Variants in SRRM4 observed in about 807,000 individuals in gnomAD.
SRRM4 encodes serine/arginine repetitive matrix 4.
A neutral mutation model predicts 68.9 loss-of-function variants in SRRM4; 33 were observed. The observed-to-expected ratio is 0.48, with a 90% CI of 0.36 to 0.64. The LOEUF is 0.64. Ranked by LOEUF, SRRM4 falls within the 30% of genes least tolerant of loss-of-function variation. The pLI is 0.00. For synonymous variants in SRRM4, 318 were observed against 318.8 expected (o/e 1.00, Z 0.03); for missense variants, 817 against 827.1 (o/e 0.99, Z 0.15).
intron 1 of SRRM4, among the ~76,000 whole-genome samples, chr12:119,014,182 C>T (rs556708914): frequency 9.2e-5 from 14 of 151,924 alleles, no homozygotes; most frequent in Non-Finnish European, 1.6e-4. Context: ...GTCTTTCATC[C>T]GTTTAATAGA....
At chr12:119,019,870 C>G (rs934790092) in intron 1 of SRRM4, among the ~76,000 whole-genome samples, 1 of 151,300 alleles carries the variant, frequency 6.6e-6, no homozygotes, top group African/African-American at 2.4e-5. Flanking sequence ...TGAGAGATCT[C>G]ATAAACTACT....
rs1185291486 is a variant in SRRM4 at position 118,981,813 on chromosome 12, C to A, written c.-70C>A. 4 of 1,545,468 alleles carry A rather than the reference C, an allele frequency of 2.6e-6. No homozygotes were observed. The highest frequency in any genetic ancestry group is 2.7e-5 in the African/African-American group (2 of 73,444). On this transcript the variant is annotated 5_prime_UTR_variant, in exon 1 of 13. Coordinates refer to ENST00000267260, the MANE Select transcript of SRRM4 (RefSeq NM_194286.4). The stretch of plus-strand genomic sequence containing the variant: ...GGACAGAGCCGGGAGCTGGGTGTCG[C>A]CCCCGTTTGGAATCCACGTTTCAGC...
intron 6 of SRRM4, among the ~76,000 whole-genome samples, chr12:119,123,670 G>A (rs1393557585): frequency 6.6e-6 from 1 of 152,204 alleles, no homozygotes; most frequent in Non-Finnish European, 1.5e-5. Context: ...AATAAGGCTA[G>A]GAATCTTGAG....
At chr12:119,126,772 C>T (rs932389496) in intron 7 of SRRM4, among the ~76,000 whole-genome samples, 23 of 151,554 alleles carry the variant, frequency 1.5e-4, no homozygotes, top group African/African-American at 4.1e-4. Context: ...ATGTTTATTG[C>T]GGCATTATTC....
chr12:119,160,349 A>G lies in SRRM4; in HGVS notation c.*3551A>G, dbSNP rs539506190. ...AGTGTATTTCTCTACTTTCTTTTACATTTCCTTTTTTTCTATCCAAAAACA... is the reference window on the plus strand; with the variant it reads ...AGTGTATTTCTCTACTTTCTTTTACGTTTCCTTTTTTTCTATCCAAAAACA... On this transcript the variant is annotated 3_prime_UTR_variant, in exon 13 of 13. Transcript: ENST00000267260. The G allele has an allele frequency of 2.8e-5, 4 of 142,872 alleles. No homozygotes were observed. Among genetic ancestry groups the G allele is most frequent in the Admixed American group, 1.4e-4 (2 of 14,330 alleles). The allele number at this position is 142,872 out of a possible 1,614,324, so 8.9% of individuals were successfully genotyped here.
chr12:119,052,817 CCACACCT>C, intron 1 of SRRM4, among the ~76,000 whole-genome samples: 1 of 152,216 alleles, frequency 6.6e-6, no homozygotes, highest in Non-Finnish European at 1.5e-5. Flanking sequence ...GCGTGAGCCA[CCACACCT>C]GGCCTAAGAT....
At chr12:119,010,267 C>G (rs1037982348) in intron 1 of SRRM4, among the ~76,000 whole-genome samples, 1 of 152,138 alleles carries the variant, frequency 6.6e-6, no homozygotes, top group Admixed American at 6.5e-5. Flanking sequence ...TGGCCAGGCT[C>G]GTTGTGAACT....
intron 1 of SRRM4, among the ~76,000 whole-genome samples, chr12:119,017,952 A>T (rs1485378588): frequency 6.6e-6 from 1 of 152,204 alleles, no homozygotes; most frequent in Non-Finnish European, 1.5e-5. Flanking sequence ...TAGTTAACCC[A>T]TCTGAACCCC....
chr12:119,130,959 C>T (rs1246539642), intron 8 of SRRM4, 125 bp downstream of exon 8: 2 of 1,028,116 alleles, frequency 1.9e-6, no homozygotes, highest in Admixed American at 3.2e-5. Context: ...CCCACTGGCT[C>T]CAGACCTCAT....
intron 2 of SRRM4, 171 bp from the exon 3 acceptor site, chr12:119,114,107 T>C: frequency 1.9e-6 from 1 of 529,670 alleles, no homozygotes; most frequent in South Asian, 2.8e-5. Context: ...TAAGTCCTTA[T>C]TTAGGTACTT....
chr12:119,071,921 C>G (rs1263500603), intron 1 of SRRM4, among the ~76,000 whole-genome samples: 2 of 152,156 alleles, frequency 1.3e-5, no homozygotes, highest in Admixed American at 1.3e-4. Context: ...ACAGTCCATG[C>G]CCATGAATTA....
At chr12:119,114,474 C>T (rs1954165060) in intron 3 of SRRM4, 110 bp downstream of exon 3, 1 of 787,502 alleles carries the variant, frequency 1.3e-6, no homozygotes, top group Non-Finnish European at 2.1e-6. Context: ...CTCTCTGATG[C>T]TTAACTAGCT....
chr12:119,154,727 C>T lies in SRRM4; in HGVS notation c.1532+344C>T, dbSNP rs1954462004. Among the ~76,000 whole-genome samples, 1 of 152,112 alleles carries T rather than the reference C, an allele frequency of 6.6e-6. No individual in the cohort carries two copies. Among genetic ancestry groups the T allele is most frequent in the South Asian group, 2.1e-4 (1 of 4,816 alleles). On this transcript the variant is annotated intron_variant, in intron 12 of 12. Transcript: ENST00000267260. This position sits in a 1 kb window ranked among gnomAD's most constrained non-coding sequence, Gnocchi z 4.7. ...GCTGGGGGAGAGAGTGGCGTCAGGC[C>T]AGGGAATGGAGGCCAAAGCAATGGA...
intron 2 of SRRM4, among the ~76,000 whole-genome samples, chr12:119,105,224 G>C (rs547022660): frequency 1.3e-5 from 2 of 152,132 alleles, no homozygotes; most frequent in Admixed American, 1.3e-4. Context: ...TATCATTGAT[G>C]GACATTTGGG....
chr12:119,111,847 C>T lies in SRRM4; in HGVS notation c.279-2431C>T, dbSNP rs1954145836. ...TCACCTGGGGTCAGGAGTTCGAGAC[C>T]AGCCTGGCCAACATGGTGAAACCCT... On this transcript the variant is annotated intron_variant, in intron 2 of 12. Coordinates refer to ENST00000267260, the MANE Select transcript of SRRM4 (RefSeq NM_194286.4). Among the ~76,000 whole-genome samples the T allele has an allele frequency of 2.0e-5, 3 of 152,080 alleles. No homozygotes were observed. The South Asian group carries it at 6.2e-4, about 32-fold the overall frequency.
chr12:118,982,959 G>A (rs1373732083), intron 1 of SRRM4, among the ~76,000 whole-genome samples: 1 of 152,140 alleles, frequency 6.6e-6, no homozygotes, highest in Non-Finnish European at 1.5e-5. Context: ...GAAAATCAAG[G>A]TAGTATGAAA....
intron 1 of SRRM4, among the ~76,000 whole-genome samples, chr12:119,090,224 T>C (rs1444898279): frequency 1.3e-5 from 2 of 152,120 alleles, no homozygotes; most frequent in Non-Finnish European, 2.9e-5. Flanking sequence ...AACCATCATT[T>C]TGCATTTAGT....
At chr12:119,020,872 G>T (rs1404195387) in intron 1 of SRRM4, among the ~76,000 whole-genome samples, 1 of 152,220 alleles carries the variant, frequency 6.6e-6, no homozygotes, top group Admixed American at 6.5e-5. Flanking sequence ...GAGAGGGTGT[G>T]TTCTCTTCCA....
At chr12:119,029,082 G>A (rs1953569420) in intron 1 of SRRM4, among the ~76,000 whole-genome samples, 1 of 152,108 alleles carries the variant, frequency 6.6e-6, no homozygotes, top group Admixed American at 6.5e-5. Context: ...CATATGCAAA[G>A]GTGAGAAATA....
Sources: allele counts gnomAD v4.1 joint callset (sites outside exome capture counted in the v4.1 genomes callset), GRCh38; gene constraint gnomAD v4.1.1; non-coding constraint Gnocchi (gnomAD v3.1); transcripts MANE v1.5; gene names NCBI Gene and HGNC (gene_info 2026-07-23, HGNC 2026-07-21).